SLC2A12: variants seen among roughly 807,000 people sequenced by gnomAD.
SLC2A12 encodes the protein solute carrier family 2 member 12.
SLC2A12 carries 23 observed loss-of-function variants against 41.8 expected under a neutral mutation model. That is an observed-to-expected ratio of 0.55 (90% CI 0.40 to 0.78). SLC2A12 has a LOEUF of 0.78. Among genes scored for constraint, SLC2A12 ranks in the 30% least tolerant of loss-of-function variants. The probability of loss-of-function intolerance (pLI) is 0.00; values close to 1 mark genes in which losing one functional copy is unlikely to be tolerated. For synonymous variants in SLC2A12, 295 were observed against 285.9 expected, an observed-to-expected ratio of 1.03 and a Z score of -0.32; for missense variants, 654 against 745.6, an observed-to-expected ratio of 0.88 and a Z score of 1.43.
Position 134,028,743 on chromosome 6 carries a change from A to G in SLC2A12, c.1082T>C (p.Met361Thr), listed in dbSNP as rs1213465854. The change falls in exon 2 of 5, where the codon ATG becomes ACG. Residue 361 changes from methionine to threonine, a missense_variant. This residue lies in a region of SLC2A12 where 411 missense variants were observed against 412.1 expected (regional missense o/e 1.00). Coordinates refer to ENST00000275230, the MANE Select transcript of SLC2A12 (RefSeq NM_145176.3). ...GTGGATGTTGAGATTTACGATGCCCATGGTCACCAACGAAGCTGCCATCAC... is the reference window on the plus strand; with the variant it reads ...GTGGATGTTGAGATTTACGATGCCCGTGGTCACCAACGAAGCTGCCATCAC... ...SSVMAASLVT[M>T]GIVNLNIHMN... The G allele has an allele frequency of 8.1e-6, 13 of 1,614,072 alleles. No homozygotes were observed. Among genetic ancestry groups the G allele is most frequent in the African/African-American group, 2.7e-5 (2 of 74,936 alleles).
At position 134,033,906 on chromosome 6, in the gene SLC2A12, C is replaced by G. The variant is rs574049845; in HGVS notation, c.104-4185G>C. Among the ~76,000 whole-genome samples, 5 of 152,086 alleles carry G rather than the reference C, an allele frequency of 3.3e-5. No individual in the cohort carries two copies. The East Asian group carries it at 7.7e-4, about 24-fold the overall frequency. ...TCTGTCTGGAGGAAAGAGCTCCTGA[C>G]AGAAGAGGGACCCAACCTCTTCTGC... is the stretch of plus-strand genomic sequence containing the variant. On this transcript the variant is annotated intron_variant, in intron 1 of 4. Coordinates refer to ENST00000275230, the MANE Select transcript of SLC2A12 (RefSeq NM_145176.3).
intron 1 of SLC2A12, among the ~76,000 whole-genome samples, chr6:134,050,507 A>G (rs1773660246): frequency 6.6e-6 from 1 of 152,252 alleles, no homozygotes; most frequent in Non-Finnish European, 1.5e-5. Flanking sequence ...TGCAAATGTA[A>G]ATACACATTA....
chr6:134,001,860 A>C (rs1185130238), intron 4 of SLC2A12, 137 bp downstream of exon 4: 7 of 865,118 alleles, frequency 8.1e-6, no homozygotes, highest in Non-Finnish European at 1.1e-5. Flanking sequence ...TTATGCACTG[A>C]GACATAGTCT....
chr6:134,046,180 T>C (rs923084188), intron 1 of SLC2A12, among the ~76,000 whole-genome samples: 1 of 152,178 alleles, frequency 6.6e-6, no homozygotes, highest in African/African-American at 2.4e-5. Flanking sequence ...AGTGTGGAAA[T>C]GTGTGTGGGA....
intron 3 of SLC2A12, among the ~76,000 whole-genome samples, chr6:134,005,659 T>TGAAA (rs1406443549): frequency 1.5e-5 from 1 of 64,968 alleles, no homozygotes; most frequent in Non-Finnish European, 2.7e-5. Flanking sequence ...GACTCTGTCT[T>TGAAA]AAAAAAAAAA....
At chr6:134,039,819 T>A (rs761397655) in intron 1 of SLC2A12, among the ~76,000 whole-genome samples, 1 of 152,128 alleles carries the variant, frequency 6.6e-6, no homozygotes, top group Non-Finnish European at 1.5e-5. Context: ...TGAATTCAGA[T>A]AAGATCTGGT....
intron 1 of SLC2A12, among the ~76,000 whole-genome samples, chr6:134,040,069 T>TG (rs1365835338): frequency 6.0e-5 from 9 of 150,026 alleles, no homozygotes; most frequent in African/African-American, 1.2e-4. Flanking sequence ...TTTTTTTTTT[T>TG]TTGTTTTTTG....
intron 1 of SLC2A12, among the ~76,000 whole-genome samples, chr6:134,031,373 C>A (rs1325480273): frequency 6.6e-6 from 1 of 152,012 alleles, no homozygotes; most frequent in Non-Finnish European, 1.5e-5. Flanking sequence ...CCCCGGGCAA[C>A]AGAGCAAGAC....
chr6:134,031,742 T>C (rs1035487558), intron 1 of SLC2A12, among the ~76,000 whole-genome samples: 8 of 152,180 alleles, frequency 5.3e-5, no homozygotes, highest in Non-Finnish European at 8.8e-5. Context: ...TGTAAGACAT[T>C]CAGGTAAAAA....
intron 2 of SLC2A12, among the ~76,000 whole-genome samples, chr6:134,027,811 T>C (rs569652142): frequency 1.3e-5 from 2 of 152,362 alleles, no homozygotes; most frequent in South Asian, 2.1e-4. Flanking sequence ...TGTTGAATGA[T>C]AGCAACTAGA....
At chr6:134,007,260 A>C (rs1051130628) in intron 2 of SLC2A12, among the ~76,000 whole-genome samples, 5 of 152,270 alleles carry the variant, frequency 3.3e-5, no homozygotes, top group African/African-American at 1.2e-4. Flanking sequence ...GCCTGGCAGC[A>C]ACAAGAGAGC....
chr6:134,019,535 T>G (rs1022057561), intron 2 of SLC2A12, among the ~76,000 whole-genome samples: 15 of 152,148 alleles, frequency 9.9e-5, no homozygotes, highest in African/African-American at 3.4e-4. Context: ...ATATTTGAAG[T>G]GAAAGATAAG....
chr6:134,023,324 A>G (rs573043175), intron 2 of SLC2A12, among the ~76,000 whole-genome samples: 109 of 152,312 alleles, frequency 7.2e-4, no homozygotes, highest in Middle Eastern at 3.4e-3. Flanking sequence ...CATAAAAGCA[A>G]CAGCCGTTGT....
chr6:134,021,475 C>T (rs1450207717), intron 2 of SLC2A12, among the ~76,000 whole-genome samples: 1 of 152,008 alleles, frequency 6.6e-6, no homozygotes, highest in Admixed American at 6.6e-5. Context: ...GAAGTAATAC[C>T]CTATTGCTAA....
In SLC2A12 at chr6:133,987,780, T is replaced by C. The variant is rs1776559691; in HGVS notation, c.*3375A>G. 1 of 152,446 alleles carries C rather than the reference T, an allele frequency of 6.6e-6. No individual in the cohort carries two copies. The highest frequency in any genetic ancestry group is 6.6e-5 in the Admixed American group (1 of 15,236). 9.4% of individuals were successfully genotyped at this position (152,446 alleles called of 1,614,324 possible). On this transcript the variant is annotated 3_prime_UTR_variant, in exon 5 of 5. Transcript: ENST00000275230. ...GTATATAAACTCTAGGGAACCAGAC[T>C]AGAAGTTTATAGATAAAGGATAATG...
At chr6:134,033,528 G>C (rs779484661) in intron 1 of SLC2A12, among the ~76,000 whole-genome samples, 1 of 152,072 alleles carries the variant, frequency 6.6e-6, no homozygotes, top group Non-Finnish European at 1.5e-5. Flanking sequence ...TGGCAATTGA[G>C]GACTGGTCTC....
intron 2 of SLC2A12, among the ~76,000 whole-genome samples, chr6:134,016,318 G>A (rs1020523509): frequency 6.6e-6 from 1 of 151,848 alleles, no homozygotes; most frequent in Non-Finnish European, 1.5e-5. Context: ...ATAAGATAAT[G>A]TCTCCATCCA....
At chr6:134,034,988 C>G (rs1338913702) in intron 1 of SLC2A12, among the ~76,000 whole-genome samples, 1 of 151,956 alleles carries the variant, frequency 6.6e-6, no homozygotes, top group Non-Finnish European at 1.5e-5. Flanking sequence ...TGGAAACTAC[C>G]TGGAGGCTTG....
intron 1 of SLC2A12, among the ~76,000 whole-genome samples, chr6:134,041,826 T>C (rs941145770): frequency 3.3e-5 from 5 of 152,110 alleles, no homozygotes; most frequent in African/African-American, 1.2e-4. Flanking sequence ...AGACTTTCGA[T>C]GATAGATGGT....
Sources: gnomAD v4.1 joint callset for allele counts (sites outside exome capture counted in the v4.1 genomes callset) on GRCh38, gnomAD v4.1.1 for gene constraint, gnomAD v4.1.1 regional missense constraint, MANE v1.5 for transcripts, NCBI Gene and HGNC (gene_info 2026-07-23, HGNC 2026-07-21) for gene names.